Variants in METTL25B observed in about 807,000 individuals in gnomAD.
The protein encoded by METTL25B is methyltransferase like 25B.
A neutral mutation model predicts 48.4 loss-of-function variants in METTL25B; 38 were observed. The observed-to-expected ratio is 0.78, with a 90% CI of 0.61 to 1.03. The LOEUF (loss-of-function observed/expected upper bound fraction) is 1.03. Among genes scored for constraint, METTL25B ranks in the 50% least tolerant of loss-of-function variants. The pLI, the probability that METTL25B is intolerant of heterozygous loss-of-function variation, is 0.00. For missense variants in METTL25B, 537 were observed against 603.7 expected (o/e 0.89, Z 1.16); for synonymous variants, 230 against 254.5 (o/e 0.90, Z 0.92).
In METTL25B at chr1:156,736,771, T is replaced by C; in HGVS notation, c.*18T>C. On this transcript the variant is annotated 3_prime_UTR_variant, in exon 8 of 8. Transcript: ENST00000368216. ...ACAGCTGATGCAGCCTGAGGAAACA[T>C]CTCAGACCCCATCATCTGAAAGTGC... is the stretch of plus-strand genomic sequence containing the variant. 6.2e-7 allele frequency: 1 copy of C among 1,605,214 alleles called. No individual in the cohort carries two copies. Among genetic ancestry groups the C allele is most frequent in the Non-Finnish European group, 8.5e-7 (1 of 1,178,796 alleles).
In METTL25B at chr1:156,729,041, A is replaced by G; in HGVS notation, c.-64A>G. Reference sequence around the variant, plus strand: ...CCCCGTCCGGGTCCTGGACCCGCGTAGTACTGACCCTGGATCCCTGTTCAC... The same window carrying G: ...CCCCGTCCGGGTCCTGGACCCGCGTGGTACTGACCCTGGATCCCTGTTCAC... On this transcript the variant is annotated 5_prime_UTR_variant, in exon 1 of 8. Coordinates refer to ENST00000368216, the MANE Select transcript of METTL25B (RefSeq NM_015997.4). 2.2e-6 allele frequency: 2 copies of G among 925,110 alleles called. No homozygotes were observed. Among genetic ancestry groups the G allele is most frequent in the African/African-American group, 1.7e-5 (1 of 59,366 alleles). The allele number at this position is 925,110 out of a possible 1,614,324, so 57.3% of individuals were successfully genotyped here.
intron 7 of METTL25B, chr1:156,736,322 T>C: frequency 3.3e-6 from 1 of 298,884 alleles, no homozygotes; most frequent in South Asian, 5.3e-5. Context: ...ACTGCACCAC[T>C]GCACTCCAGC....
chr1:156,730,316 T>A (rs1649165555), intron 1 of METTL25B, among the ~76,000 whole-genome samples: 1 of 152,226 alleles, frequency 6.6e-6, no homozygotes, highest in Non-Finnish European at 1.5e-5. Flanking sequence ...CTGGCCTGAT[T>A]TCTGTTCTGC....
At position 156,729,367 on chromosome 1, in the gene METTL25B, G is replaced by A. The variant is rs115560516; in HGVS notation, c.111+152G>A. 2.2e-3 allele frequency: 1,112 copies of A among 497,448 alleles called. 16 individuals are homozygous for A. The highest frequency in any genetic ancestry group is 0.02 in the African/African-American group (982 of 48,418). 30.8% of individuals were successfully genotyped at this position (497,448 alleles called of 1,614,324 possible). A position where few individuals can be genotyped will look rare whatever the true frequency, so the allele number is the denominator to read the frequency against. On this transcript the variant is annotated intron_variant, in intron 1 of 7. Transcript: ENST00000368216. ...TACAAGAAGGGGTTAAAACTGGAGTGATCCCTCCTTTTTTTTCAGCTGACA... is the reference window on the plus strand; with the variant it reads ...TACAAGAAGGGGTTAAAACTGGAGTAATCCCTCCTTTTTTTTCAGCTGACA...
Position 156,736,680 on chromosome 1 carries a change from GA to G in METTL25B, c.1358del (p.Asn453ThrfsTer27), listed in dbSNP as rs1649836161. ...ATCTTCAGTCCTGAACTCTCTCCCA[GA>G]AACCTGGTTCTGGTGGCCACCAAGA... The part of the protein sequence containing the change: ...LPIFSPELSP[R>X]NLVLVATKMP... On this transcript the variant is annotated frameshift_variant, in exon 8 of 8. Coordinates refer to ENST00000368216, the MANE Select transcript of METTL25B (RefSeq NM_015997.4). LOFTEE classifies it high-confidence loss of function. 1 of 1,613,982 alleles carries G rather than the reference GA, an allele frequency of 6.2e-7. No homozygotes were observed. The highest frequency in any genetic ancestry group is 1.3e-5 in the African/African-American group (1 of 75,048).
intron 1 of METTL25B, 69 bp downstream of exon 1, chr1:156,729,284 A>G (rs1649020830): frequency 2.4e-6 from 2 of 825,238 alleles, no homozygotes; most frequent in African/African-American, 3.4e-5. Context: ...CGTCAGGGAG[A>G]GAATCTGGAG....
Position 156,728,901 on chromosome 1 carries a change from C to T in METTL25B, c.-204C>T. On this transcript the variant is annotated 5_prime_UTR_variant, in exon 1 of 8. Coordinates refer to ENST00000368216, the MANE Select transcript of METTL25B (RefSeq NM_015997.4). Reference sequence around the variant, plus strand: ...CTGACACCTTCTCACTGTGAAACGTCGCGACCTGTGACGTCTGGGGGGCGC... The same window carrying T: ...CTGACACCTTCTCACTGTGAAACGTTGCGACCTGTGACGTCTGGGGGGCGC... 1.7e-6 allele frequency: 1 copy of T among 600,518 alleles called. No individual in the cohort carries two copies. Among genetic ancestry groups the T allele is most frequent in the East Asian group, 3.5e-5 (1 of 28,432 alleles). The allele number at this position is 600,518 out of a possible 1,614,324, so 37.2% of individuals were successfully genotyped here.
intron 2 of METTL25B, 67 bp downstream of exon 2, chr1:156,732,182 C>G: frequency 1.2e-6 from 2 of 1,610,702 alleles, no homozygotes; most frequent in South Asian, 2.2e-5. Flanking sequence ...GCATATTGCT[C>G]AGAGAGTCTC....
At chr1:156,731,933 T>C in intron 1 of METTL25B, 58 bp from the exon 2 acceptor site, 1 of 1,605,342 alleles carries the variant, frequency 6.2e-7, no homozygotes. Context: ...TTGAGAGTGG[T>C]GTGGGAAAGA....
In METTL25B at chr1:156,735,773, A is replaced by G; in HGVS notation, c.1170A>G (p.Pro390=). Residue 390 remains proline, a synonymous_variant, in exon 7 of 8, where the codon CCA becomes CCG. Coordinates refer to ENST00000368216, the MANE Select transcript of METTL25B (RefSeq NM_015997.4). ...LQRVGLDPQL[P]LNLAALQAHV... ...GAGTGGGGCTAGATCCCCAGCTGCC[A>G]CTGAATCTGGCTGCCCTTCAGGCCC... 1.9e-6 allele frequency: 3 copies of G among 1,612,064 alleles called. No individual in the cohort carries two copies. The highest frequency in any genetic ancestry group is 2.5e-6 in the Non-Finnish European group (3 of 1,179,600).
At position 156,732,028 on chromosome 1, in the gene METTL25B, G is replaced by C. The variant is rs1383961719; in HGVS notation, c.149G>C (p.Cys50Ser). ...GACAACCTATGGGACACACTCCCTT[G>C]CTCATGGCAGGAAGCATTGGATGGA... Reference protein sequence around the residue: ...FTDNLWDTLPCSWQEALDGLK... With the variant: ...FTDNLWDTLPSSWQEALDGLK... Residue 50 changes from cysteine (C) to serine (S), a missense_variant, in exon 2 of 8, where the codon TGC becomes TCC. Physicochemically the swap from Cys to Ser is moderately radical, Grantham distance 112 (BLOSUM62 -1). Transcript: ENST00000368216. 1.2e-6 allele frequency: 2 copies of C among 1,614,182 alleles called. No individual in the cohort carries two copies. Among genetic ancestry groups the C allele is most frequent in the Admixed American group, 3.3e-5 (2 of 60,012 alleles).
chr1:156,730,395 T>G (rs931412440), intron 1 of METTL25B, among the ~76,000 whole-genome samples: 1 of 151,936 alleles, frequency 6.6e-6, no homozygotes, highest in African/African-American at 2.4e-5. Context: ...CGCAGAATGG[T>G]TAAGAACAAG....
rs965508805 is a variant in METTL25B at position 156,731,971 on chromosome 1, C to T, written c.112-20C>T. ...GGGAGTGGTAGTAGCTTGCTGATGG[C>T]TTCTCCCCTTCTTCTGTAGGAATTT... is the stretch of plus-strand genomic sequence containing the variant. On this transcript the variant is annotated intron_variant, in intron 1 of 7. Transcript: ENST00000368216. 2 of 1,613,744 alleles carry T rather than the reference C, an allele frequency of 1.2e-6. No homozygotes were observed. The highest frequency in any genetic ancestry group is 2.7e-5 in the African/African-American group (2 of 75,042).
chr1:156,734,072 C>G lies in METTL25B; in HGVS notation c.700C>G (p.Leu234Val), dbSNP rs1649514959. The change falls in exon 6 of 8, where the codon CTG becomes GTG. Residue 234 changes from leucine to valine, a missense_variant. Leu to Val is a conservative substitution (Grantham distance 32, BLOSUM62 1). Transcript: ENST00000368216. ...GGTTAGGTGGGTAGACCCCACAGCC[C>G]TGTGTGAGGAGCTTCTGCTTCCACT... ...HVVRWVDPTALCEELLLPLEN... is the reference protein window; with the variant it reads ...HVVRWVDPTAVCEELLLPLEN... The G allele has an allele frequency of 1.9e-6, 3 of 1,614,046 alleles. No homozygotes were observed. Among genetic ancestry groups the G allele is most frequent in the Non-Finnish European group, 2.5e-6 (3 of 1,180,024 alleles).
intron 3 of METTL25B, 70 bp from the exon 4 acceptor site, chr1:156,732,915 C>T (rs1649417436): frequency 4.6e-6 from 6 of 1,312,240 alleles, no homozygotes; most frequent in Non-Finnish European, 6.5e-6. Flanking sequence ...CTCTTCCACT[C>T]TCAGTATGGG....
chr1:156,735,086 C>G (rs565073355), intron 6 of METTL25B, among the ~76,000 whole-genome samples: 3 of 151,140 alleles, frequency 2.0e-5, no homozygotes, highest in Non-Finnish European at 4.4e-5. Context: ...GTCAGGAGTT[C>G]GAGACTAGCC....
chr1:156,736,676 C>T lies in METTL25B; in HGVS notation c.1351C>T (p.Pro451Ser). ...LLPIFSPELS[P>S]RNLVLVATKM... is the part of the protein sequence containing the mutation. Reference sequence around the variant, plus strand: ...GCCCATCTTCAGTCCTGAACTCTCTCCCAGAAACCTGGTTCTGGTGGCCAC... The same window carrying T: ...GCCCATCTTCAGTCCTGAACTCTCTTCCAGAAACCTGGTTCTGGTGGCCAC... Residue 451 changes from proline (P) to serine (S), a missense_variant, in exon 8 of 8, where the codon CCC (proline) becomes TCC (serine). By Grantham distance (74) the Pro-to-Ser change is moderately conservative. Coordinates refer to ENST00000368216, the MANE Select transcript of METTL25B (RefSeq NM_015997.4). The T allele has an allele frequency of 6.2e-7, 1 of 1,613,942 alleles. No individual in the cohort carries two copies. Among genetic ancestry groups the T allele is most frequent in the Non-Finnish European group, 8.5e-7 (1 of 1,179,928 alleles).
Position 156,728,541 on chromosome 1 carries a change from C to T in METTL25B, c.-564C>T, listed in dbSNP as rs1005298587. ...CGCCAGAGGTCGGCGCGCGCACACC[C>T]GCACCGCCCCGACCCCAGGTAGTGA... On this transcript the variant is annotated 5_prime_UTR_variant, in exon 1 of 8. Transcript: ENST00000368216. 1.1e-5 allele frequency: 11 copies of T among 985,620 alleles called. No individual in the cohort carries two copies. The African/African-American group carries it at 1.7e-4, about 16-fold the overall frequency. The allele number at this position is 985,620 out of a possible 1,614,324, so 61.1% of individuals were successfully genotyped here. A position where few individuals can be genotyped will look rare whatever the true frequency, so the allele number is the denominator to read the frequency against.
chr1:156,733,359 T>C lies in METTL25B; in HGVS notation c.493-18T>C. 6.2e-7 allele frequency: 1 copy of C among 1,613,874 alleles called. No homozygotes were observed. The highest frequency in any genetic ancestry group is 8.5e-7 in the Non-Finnish European group (1 of 1,179,860). On this transcript the variant is annotated intron_variant, in intron 4 of 7. Coordinates refer to ENST00000368216, the MANE Select transcript of METTL25B (RefSeq NM_015997.4). ...AGGGCACTGAACAGGGCTGTTTCCA[T>C]CCTCCTCGTGACTCCAGGGCCATCT...
Sources: gnomAD v4.1 joint callset for allele counts (sites outside exome capture counted in the v4.1 genomes callset) on GRCh38, gnomAD v4.1.1 for gene constraint, MANE v1.5 for transcripts, NCBI Gene and HGNC (gene_info 2026-07-23, HGNC 2026-07-21) for gene names.